DPH6: variants seen among roughly 807,000 people sequenced by gnomAD.
DPH6 encodes diphthine--ammonia ligase.
In DPH6, 33 loss-of-function variants were observed where a neutral mutation model predicts 38.2. That is an observed-to-expected ratio of 0.86 (90% CI 0.65 to 1.15). The LOEUF (loss-of-function observed/expected upper bound fraction) is 1.15, where lower values mean the gene tolerates loss of function less well. DPH6 is among the 50% of genes most tolerant of loss of function. The pLI is 0.00. For synonymous variants in DPH6, 108 were observed against 103.0 expected, an observed-to-expected ratio of 1.05 and a Z score of -0.30; for missense variants, 325 against 320.0, an observed-to-expected ratio of 1.02 and a Z score of -0.12.
intron 3 of DPH6, among the ~76,000 whole-genome samples, chr15:35,531,825 T>C (rs979104743): frequency 6.6e-6 from 1 of 152,160 alleles, no homozygotes; most frequent in African/African-American, 2.4e-5. Context: ...TAATATTCAA[T>C]ATTCTTTTAA....
the DPH6 span, among the ~76,000 whole-genome samples, chr15:35,151,633 T>C: frequency 2.0e-5 from 3 of 152,188 alleles, no homozygotes; most frequent in Admixed American, 2.0e-4. Flanking sequence ...ATGGTCTCAG[T>C]CTGACTGAGT....
intron 5 of DPH6, among the ~76,000 whole-genome samples, chr15:35,446,756 C>A (rs778040484): frequency 6.6e-6 from 1 of 152,026 alleles, no homozygotes; most frequent in Non-Finnish European, 1.5e-5. Flanking sequence ...GTTCAAGGGA[C>A]AACTGGATAG....
intron 3 of DPH6, among the ~76,000 whole-genome samples, chr15:35,305,694 T>G (rs1426278529): frequency 3.3e-5 from 5 of 152,150 alleles, no homozygotes; most frequent in Non-Finnish European, 5.9e-5. Flanking sequence ...TATACATATC[T>G]CTAATAAAGA....
intron 5 of DPH6, among the ~76,000 whole-genome samples, chr15:35,416,804 A>G (rs1466616139): frequency 6.6e-6 from 1 of 152,070 alleles, no homozygotes; most frequent in African/African-American, 2.4e-5. Context: ...GACTGTTCAT[A>G]GAATATATTT....
intron 1 of DPH6, among the ~76,000 whole-genome samples, chr15:35,543,244 T>C (rs2055288765): frequency 7.7e-6 from 1 of 129,384 alleles, no homozygotes; most frequent in Non-Finnish European, 1.6e-5. Context: ...ATACATATAG[T>C]ACACACATAC....
At chr15:35,260,386 G>A (rs1001094026) in intron 3 of DPH6, among the ~76,000 whole-genome samples, 9 of 152,004 alleles carry the variant, frequency 5.9e-5, no homozygotes, top group Non-Finnish European at 1.3e-4. Context: ...GATTACAGGC[G>A]TGAGCCACCG....
the DPH6 span, among the ~76,000 whole-genome samples, chr15:35,192,308 A>G: frequency 6.6e-6 from 1 of 152,176 alleles, no homozygotes; most frequent in African/African-American, 2.4e-5. Context: ...TGCTGTTATG[A>G]AAACGATAGA....
intron 3 of DPH6, among the ~76,000 whole-genome samples, chr15:35,222,497 A>G (rs1006068336): frequency 6.6e-6 from 1 of 152,108 alleles, no homozygotes. Context: ...ATACATGTAA[A>G]ATGTACAGTG....
chr15:35,188,024 A>C, the DPH6 span, among the ~76,000 whole-genome samples: 1 of 152,152 alleles, frequency 6.6e-6, no homozygotes, highest in Non-Finnish European at 1.5e-5. Context: ...TACAGTAGGT[A>C]GCTAGTCAGA....
chr15:35,282,083 T>A (rs1368962728), intron 3 of DPH6, among the ~76,000 whole-genome samples: 1 of 152,196 alleles, frequency 6.6e-6, no homozygotes, highest in Non-Finnish European at 1.5e-5. Flanking sequence ...CCCCAACTCT[T>A]CCATTCTCTT....
intron 5 of DPH6, among the ~76,000 whole-genome samples, chr15:35,423,878 T>C (rs1037260279): frequency 1.3e-5 from 2 of 151,740 alleles, no homozygotes; most frequent in African/African-American, 2.4e-5. Flanking sequence ...CAGTTGACCA[T>C]AGATGTGTAC....
downstream of DPH6, among the ~76,000 whole-genome samples, chr15:35,214,099 G>C (rs887077540): frequency 2.0e-5 from 3 of 147,366 alleles, no homozygotes; most frequent in South Asian, 2.2e-4. Flanking sequence ...GCGACAGAGC[G>C]AGACTCCGTC....
At chr15:35,483,974 A>C (rs1166470343) in intron 3 of DPH6, among the ~76,000 whole-genome samples, 1 of 152,236 alleles carries the variant, frequency 6.6e-6, no homozygotes, top group African/African-American at 2.4e-5. Context: ...TGTTCAAAAG[A>C]AGCAAATCTA....
intron 3 of DPH6, among the ~76,000 whole-genome samples, chr15:35,472,612 C>T (rs2054212251): frequency 6.6e-6 from 1 of 151,778 alleles, no homozygotes; most frequent in Non-Finnish European, 1.5e-5. Flanking sequence ...AAAAAGGTGG[C>T]AAAAAGGCCC....
chr15:35,186,903 A>G, the DPH6 span, among the ~76,000 whole-genome samples: 1 of 152,130 alleles, frequency 6.6e-6, no homozygotes, highest in Non-Finnish European at 1.5e-5. Context: ...AAAAATAGAA[A>G]TAAAAGATAA....
chr15:35,328,418 C>T (rs2052302167), downstream of DPH6, among the ~76,000 whole-genome samples: 4 of 152,124 alleles, frequency 2.6e-5, no homozygotes, highest in South Asian at 8.3e-4. Context: ...CTGCTAGACT[C>T]TAAACGTTGT....
At chr15:35,197,619 C>T in the DPH6 span, among the ~76,000 whole-genome samples, 1 of 152,172 alleles carries the variant, frequency 6.6e-6, no homozygotes, top group Non-Finnish European at 1.5e-5. Flanking sequence ...CTGAAATACA[C>T]TCTATCTATT....
At chr15:35,345,181 A>G (rs2052451689) in intron 3 of DPH6, among the ~76,000 whole-genome samples, 1 of 151,846 alleles carries the variant, frequency 6.6e-6, no homozygotes, top group African/African-American at 2.4e-5. Context: ...TTCACTTTCT[A>G]TTTCTTGCTA....
At chr15:35,361,187 C>T (rs2052611309) in intron 3 of DPH6, among the ~76,000 whole-genome samples, 1 of 152,200 alleles carries the variant, frequency 6.6e-6, no homozygotes, top group South Asian at 2.1e-4. Context: ...GGGGCATAGG[C>T]TAGTCTTCTC....
Sources: allele counts gnomAD v4.1 joint callset (sites outside exome capture counted in the v4.1 genomes callset), GRCh38; gene constraint gnomAD v4.1.1; transcripts MANE v1.5; gene names NCBI Gene and HGNC (gene_info 2026-07-23, HGNC 2026-07-21).